GALNT13: variants seen among roughly 807,000 people sequenced by gnomAD.
GALNT13 encodes the protein UDP-GalNAc:polypeptide N-acetylgalactosaminyltransferase 13.
In GALNT13, 28 loss-of-function variants were observed where a neutral mutation model predicts 64.2. The ratio of observed to expected loss-of-function variants is 0.44; its 90% confidence interval spans 0.32 to 0.60. The LOEUF (loss-of-function observed/expected upper bound fraction) is 0.60, where lower values mean the gene tolerates loss of function less well. Ranked by LOEUF, GALNT13 falls within the 20% of genes least tolerant of loss-of-function variation. GALNT13 has a pLI of 0.05. For missense variants in GALNT13, 577 were observed against 669.8 expected, an observed-to-expected ratio of 0.86 and a Z score of 1.53; for synonymous variants, 214 against 224.6, an observed-to-expected ratio of 0.95 and a Z score of 0.42.
chr2:153,488,707 A>G, the GALNT13 span, among the ~76,000 whole-genome samples: 1 of 152,236 alleles, frequency 6.6e-6, no homozygotes, highest in African/African-American at 2.4e-5. Context: ...GAAAAGACTC[A>G]GACAATTGAA....
intron 3 of GALNT13, among the ~76,000 whole-genome samples, chr2:153,945,756 T>A (rs920088479): frequency 2.6e-5 from 4 of 152,152 alleles, no homozygotes; most frequent in Admixed American, 6.6e-5. Context: ...ATGTTGAGTT[T>A]GCTTTAGATT....
chr2:154,258,353 A>G (rs1690493354), intron 7 of GALNT13, among the ~76,000 whole-genome samples: 2 of 152,126 alleles, frequency 1.3e-5, no homozygotes, highest in South Asian at 4.1e-4. Flanking sequence ...AATCCCTTCG[A>G]AGTGTCCTTT....
chr2:154,209,405 G>A (rs750450627), intron 4 of GALNT13, among the ~76,000 whole-genome samples: 6 of 152,102 alleles, frequency 3.9e-5, no homozygotes, highest in Non-Finnish European at 8.8e-5. Flanking sequence ...TCAGGGAATA[G>A]GGCCCAAAGG....
chr2:153,255,595 C>T, the GALNT13 span, among the ~76,000 whole-genome samples: 11 of 152,020 alleles, frequency 7.2e-5, no homozygotes, highest in Admixed American at 2.0e-4. Flanking sequence ...GATTTTGCAG[C>T]GGCTGGTACC....
intron 2 of GALNT13, among the ~76,000 whole-genome samples, chr2:153,942,161 C>G: frequency 6.6e-6 from 1 of 151,862 alleles, no homozygotes. Context: ...AATTCTTTAT[C>G]TTGATTAAGC....
At chr2:153,267,196 G>T in the GALNT13 span, among the ~76,000 whole-genome samples, 2 of 152,212 alleles carry the variant, frequency 1.3e-5, no homozygotes, top group Admixed American at 6.5e-5. Context: ...TGCACCTGTG[G>T]CTCTGTAAGG....
intron 3 of GALNT13, among the ~76,000 whole-genome samples, chr2:154,052,640 T>C (rs763297900): frequency 1.7e-4 from 26 of 152,154 alleles, no homozygotes; most frequent in Non-Finnish European, 3.4e-4. Context: ...TCAAGTGTAC[T>C]GGTGTCCAAT....
chr2:153,293,887 G>A, the GALNT13 span, among the ~76,000 whole-genome samples: 1 of 151,920 alleles, frequency 6.6e-6, no homozygotes, highest in African/African-American at 2.4e-5. Context: ...GACTTCCACA[G>A]CTCAAGTGAT....
chr2:153,216,181 ATATTG>A, the GALNT13 span, among the ~76,000 whole-genome samples: 5 of 152,048 alleles, frequency 3.3e-5, no homozygotes, highest in Non-Finnish European at 7.4e-5. Flanking sequence ...TCAATGAGTA[ATATTG>A]TATTGTAGCA....
chr2:154,068,840 A>C (rs1017524964), intron 3 of GALNT13, among the ~76,000 whole-genome samples: 1 of 152,048 alleles, frequency 6.6e-6, no homozygotes, highest in African/African-American at 2.4e-5. Flanking sequence ...GTCAACAATA[A>C]TTTATTGTAC....
chr2:153,394,675 T>TAAA, the GALNT13 span, among the ~76,000 whole-genome samples: 5 of 152,156 alleles, frequency 3.3e-5, no homozygotes, highest in African/African-American at 1.2e-4. Flanking sequence ...TAAAGATAGG[T>TAAA]ACTGCCATGT....
chr2:154,359,267 C>T (rs1696927685), intron 9 of GALNT13, among the ~76,000 whole-genome samples: 1 of 151,976 alleles, frequency 6.6e-6, no homozygotes, highest in Non-Finnish European at 1.5e-5. Context: ...CGGGACAAGT[C>T]CCAGGTAGCC....
At chr2:153,211,559 G>A in the GALNT13 span, among the ~76,000 whole-genome samples, 7 of 152,048 alleles carry the variant, frequency 4.6e-5, no homozygotes, top group African/African-American at 1.2e-4. Context: ...TTCATGAGAC[G>A]GGAACAGTAG....
chr2:153,889,435 T>TAACA (rs1413979002), intron 1 of GALNT13, among the ~76,000 whole-genome samples: 1 of 152,020 alleles, frequency 6.6e-6, no homozygotes, highest in Admixed American at 6.6e-5. Context: ...CACCCCACAC[T>TAACA]AACACACTCT....
At chr2:154,004,790 A>G (rs899986065) in intron 3 of GALNT13, among the ~76,000 whole-genome samples, 1 of 152,184 alleles carries the variant, frequency 6.6e-6, no homozygotes, top group East Asian at 1.9e-4. Flanking sequence ...TGTTTCAAAT[A>G]TATGTTATTG....
chr2:153,356,032 C>T, the GALNT13 span, among the ~76,000 whole-genome samples: 23 of 152,014 alleles, frequency 1.5e-4, no homozygotes, highest in Non-Finnish European at 1.5e-5. Context: ...CTAAGTATTT[C>T]ACAGAATAAG....
the GALNT13 span, among the ~76,000 whole-genome samples, chr2:153,847,787 A>G: frequency 6.6e-6 from 1 of 152,198 alleles, no homozygotes; most frequent in Admixed American, 6.5e-5. Flanking sequence ...GTGCTCCTTA[A>G]TTCAACAATG....
chr2:153,564,362 T>C, the GALNT13 span, among the ~76,000 whole-genome samples: 1 of 152,168 alleles, frequency 6.6e-6, no homozygotes, highest in African/African-American at 2.4e-5. Context: ...TATAGTTATT[T>C]TGGCTTTTAA....
chr2:153,378,831 C>A, the GALNT13 span, among the ~76,000 whole-genome samples: 1 of 152,042 alleles, frequency 6.6e-6, no homozygotes, highest in Admixed American at 6.6e-5. Context: ...AACTTGTACC[C>A]GCTTAAATAA....
Sources: gnomAD v4.1 joint callset for allele counts (sites outside exome capture counted in the v4.1 genomes callset) on GRCh38, gnomAD v4.1.1 for gene constraint, MANE v1.5 for transcripts, NCBI Gene and HGNC (gene_info 2026-07-23, HGNC 2026-07-21) for gene names.